The following CDC14A variants were observed in gnomAD, a reference collection of about 807,000 sequenced individuals.
The protein encoded by CDC14A is dual specificity protein phosphatase CDC14A.
A neutral mutation model predicts 74.4 loss-of-function variants in CDC14A; 53 were observed. The observed-to-expected ratio is 0.71, with a 90% CI of 0.57 to 0.89. CDC14A has a LOEUF of 0.89. Among genes scored for constraint, CDC14A ranks in the 40% least tolerant of loss-of-function variants. CDC14A has a pLI of 0.00. For synonymous variants in CDC14A, 247 were observed against 258.4 expected (o/e 0.96, Z 0.43); for missense variants, 646 against 713.7 (o/e 0.91, Z 1.08).
intron 4 of CDC14A, among the ~76,000 whole-genome samples, chr1:100,414,952 A>C (rs1038394780): frequency 6.6e-6 from 1 of 152,034 alleles, no homozygotes; most frequent in Non-Finnish European, 1.5e-5. Context: ...GGACTAGTTT[A>C]CTGTCACACA....
At chr1:100,375,624 C>G (rs907626364) in intron 2 of CDC14A, among the ~76,000 whole-genome samples, 3 of 152,070 alleles carry the variant, frequency 2.0e-5, no homozygotes, top group Non-Finnish European at 4.4e-5. Flanking sequence ...GTTAGAATGG[C>G]GATCATTAAA....
upstream of CDC14A, among the ~76,000 whole-genome samples, chr1:100,349,311 T>C (rs532063016): frequency 1.3e-5 from 2 of 152,242 alleles, no homozygotes; most frequent in Non-Finnish European, 2.9e-5. Context: ...TAAACTCTCT[T>C]AGTATTTCCT....
chr1:100,409,961 T>C (rs1214416722), intron 4 of CDC14A, among the ~76,000 whole-genome samples: 1 of 152,252 alleles, frequency 6.6e-6, no homozygotes, highest in Non-Finnish European at 1.5e-5. Flanking sequence ...GTTGGAGTTT[T>C]AGCAGCAAGC....
intron 15 of CDC14A, chr1:100,505,025 C>T (rs2101462699): frequency 8.3e-7 from 1 of 1,206,588 alleles, no homozygotes; most frequent in South Asian, 1.8e-5. Flanking sequence ...TACATATTGT[C>T]TGTGTATGTA....
chr1:100,472,081 A>G (rs538081955), intron 10 of CDC14A, among the ~76,000 whole-genome samples: 1 of 152,184 alleles, frequency 6.6e-6, no homozygotes, highest in Non-Finnish European at 1.5e-5. Context: ...TGGGCACTGT[A>G]CTTGTACCCA....
chr1:100,518,883 G>A lies in CDC14A; in HGVS notation c.*603G>A, dbSNP rs1063302. 0.12 allele frequency: 18,594 copies of A among 152,360 alleles called. 1,264 individuals carry two copies. Among genetic ancestry groups the A allele is most frequent in the African/African-American group, 0.18 (7,506 of 41,460 alleles). The allele number at this position is 152,360 out of a possible 1,614,324, so 9.4% of individuals were successfully genotyped here. A position where few individuals can be genotyped will look rare whatever the true frequency, so the allele number is the denominator to read the frequency against. ...TTCATTCTTTTGGGAAGTCAGTTTA[G>A]TTACACTGAGTTTATCCAAGTTTAT... On this transcript the variant is annotated 3_prime_UTR_variant, in exon 16 of 16. Transcript: ENST00000336454.
intron 4 of CDC14A, among the ~76,000 whole-genome samples, chr1:100,419,862 C>T (rs994328143): frequency 2.6e-5 from 4 of 151,700 alleles, no homozygotes; most frequent in South Asian, 4.2e-4. Flanking sequence ...CTCTTTTTCA[C>T]ACAAGTAAAA....
intron 3 of CDC14A, among the ~76,000 whole-genome samples, chr1:100,382,485 G>T (rs1032899071): frequency 1.0e-3 from 149 of 148,216 alleles, no homozygotes; most frequent in African/African-American, 3.6e-3. Context: ...CTAGCTTCCC[G>T]CCTGAGCCTC....
chr1:100,512,193 C>T (rs898818521), intron 15 of CDC14A, among the ~76,000 whole-genome samples: 3 of 152,098 alleles, frequency 2.0e-5, no homozygotes, highest in Admixed American at 2.0e-4. Context: ...AGCGCTGACA[C>T]TCTCATATTA....
intron 5 of CDC14A, among the ~76,000 whole-genome samples, chr1:100,439,552 A>G (rs775576041): frequency 3.9e-5 from 6 of 152,216 alleles, no homozygotes; most frequent in Non-Finnish European, 8.8e-5. Flanking sequence ...TATTTTAAAA[A>G]ACATAATCTG....
intron 4 of CDC14A, chr1:100,393,257 C>G: frequency 6.9e-7 from 1 of 1,445,116 alleles, no homozygotes; most frequent in Admixed American, 1.7e-5. Context: ...GAAGTTCTTT[C>G]TGTGCATGTT....
chr1:100,352,237 G>A (rs1294137316), upstream of CDC14A, among the ~76,000 whole-genome samples: 1 of 152,174 alleles, frequency 6.6e-6, no homozygotes, highest in East Asian at 1.9e-4. Context: ...GGCCCCGCCC[G>A]CTCCCCTGGG....
At chr1:100,483,126 C>T (rs553679170) in intron 10 of CDC14A, among the ~76,000 whole-genome samples, 4 of 152,108 alleles carry the variant, frequency 2.6e-5, no homozygotes, top group Non-Finnish European at 4.4e-5. Context: ...ATTGCTGGGA[C>T]GAATGGTAAT....
In CDC14A at chr1:100,352,819, G is replaced by A. The variant is rs1238201010; in HGVS notation, c.-136G>A. On this transcript the variant is annotated 5_prime_UTR_variant, in exon 1 of 16. Coordinates refer to ENST00000336454, the MANE Select transcript of CDC14A (RefSeq NM_003672.4). ...CCCCGAAGCCGCCTCCGCCTTCGGC[G>A]CCTGCTGCCTCCCTCGGCCAGGCTT... is the stretch of plus-strand genomic sequence containing the variant. The A allele has an allele frequency of 3.4e-6, 5 of 1,475,530 alleles. No individual in the cohort carries two copies. The highest frequency in any genetic ancestry group is 2.7e-6 in the Non-Finnish European group (3 of 1,118,766). The allele number at this position is 1,475,530 out of a possible 1,614,324, so 91.4% of individuals were successfully genotyped here.
At chr1:100,384,898 G>A (rs1656633788) in intron 3 of CDC14A, among the ~76,000 whole-genome samples, 1 of 152,150 alleles carries the variant, frequency 6.6e-6, no homozygotes, top group Non-Finnish European at 1.5e-5. Context: ...TTTACCAGCT[G>A]CCCCACTTCA....
chr1:100,379,775 A>G (rs1317823858), intron 3 of CDC14A, among the ~76,000 whole-genome samples: 1 of 152,164 alleles, frequency 6.6e-6, no homozygotes, highest in East Asian at 1.9e-4. Context: ...GCTTCTGGTG[A>G]GTCCCTCAGG....
Position 100,439,920 on chromosome 1 carries a change from T to G in CDC14A, c.390-12T>G. 6.3e-7 allele frequency: 1 copy of G among 1,597,320 alleles called. No homozygotes were observed. The highest frequency in any genetic ancestry group is 1.1e-5 in the South Asian group (1 of 90,380). ...TGCAAGTTTTTAATGTTGAGTTTAT[T>G]TATGTTTATAGGGATGCTTCCTTTG... is the stretch of plus-strand genomic sequence containing the variant. On this transcript the variant is annotated splice_polypyrimidine_tract_variant and intron_variant, in intron 5 of 15. Transcript: ENST00000336454.
intron 7 of CDC14A, chr1:100,443,264 T>G (rs1029036830): frequency 3.1e-5 from 9 of 289,016 alleles, no homozygotes; most frequent in African/African-American, 8.7e-5. Context: ...AAAAATCTAG[T>G]AGGGTAGTAA....
At chr1:100,451,092 TGAG>T (rs972309438) in intron 7 of CDC14A, among the ~76,000 whole-genome samples, 1 of 152,230 alleles carries the variant, frequency 6.6e-6, no homozygotes, top group African/African-American at 2.4e-5. Flanking sequence ...CTGGGGTTCT[TGAG>T]GACCTCATGA....
Sources: allele counts gnomAD v4.1 joint callset (sites outside exome capture counted in the v4.1 genomes callset), GRCh38; gene constraint gnomAD v4.1.1; transcripts MANE v1.5; gene names NCBI Gene and HGNC (gene_info 2026-07-23, HGNC 2026-07-21).